The following ASB18 variants were observed in gnomAD, a reference collection of about 807,000 sequenced individuals.
ASB18 encodes the protein ankyrin repeat and SOCS box protein 18.
In ASB18, 33 loss-of-function variants were observed where a neutral mutation model predicts 33.4. That is an observed-to-expected ratio of 0.99 (90% CI 0.75 to 1.32). ASB18 has a LOEUF of 1.32. Ranked by LOEUF, ASB18 falls within the 40% of genes most tolerant of loss-of-function variation. The pLI, the probability that ASB18 is intolerant of heterozygous loss-of-function variation, is 0.00. For missense variants in ASB18, 694 were observed against 655.5 expected, an observed-to-expected ratio of 1.06 and a Z score of -0.64; for synonymous variants, 295 against 307.6, an observed-to-expected ratio of 0.96 and a Z score of 0.43.
At chr2:236,207,440 G>T (rs1459909520) in intron 4 of ASB18, among the ~76,000 whole-genome samples, 1 of 152,158 alleles carries the variant, frequency 6.6e-6, no homozygotes, top group Non-Finnish European at 1.5e-5. Context: ...TACTTTCTGA[G>T]ATTTTCTTGG....
At position 236,215,352 on chromosome 2, in the gene ASB18, G is replaced by A. The variant is rs2060483118; in HGVS notation, c.597-486C>T. Reference sequence around the variant, plus strand: ...TGAGGCAAGCCTTGCCTTGCACCACGAAGGGACTTTCCCCATCCCTCAGGA... The same window carrying A: ...TGAGGCAAGCCTTGCCTTGCACCACAAAGGGACTTTCCCCATCCCTCAGGA... On this transcript the variant is annotated intron_variant, in intron 3 of 5. Transcript: ENST00000409749. This position sits in a 1 kb window ranked among gnomAD's most constrained non-coding sequence, Gnocchi z 7.2. Among the ~76,000 whole-genome samples the A allele has an allele frequency of 6.6e-6, 1 of 152,116 alleles. No individual in the cohort carries two copies. The highest frequency in any genetic ancestry group is 6.5e-5 in the Admixed American group (1 of 15,284).
chr2:236,237,810 C>A lies in ASB18; in HGVS notation c.475G>T (p.Ala159Ser). 15 of 1,398,198 alleles carry A rather than the reference C, an allele frequency of 1.1e-5. No individual in the cohort carries two copies. The highest frequency in any genetic ancestry group is 1.4e-5 in the Non-Finnish European group (15 of 1,084,382). 86.6% of individuals were successfully genotyped at this position (1,398,198 alleles called of 1,614,324 possible). ...CAGGCGGTGTGGCCCCCGAGGCAGG[C>A]CTCGTGCAGGGCGCCGCGGCCGCCG... Reference protein sequence around the residue: ...SPGGRGALHEACLGGHTACVR... With the variant: ...SPGGRGALHESCLGGHTACVR... Residue 159 changes from alanine to serine, a missense_variant, in exon 3 of 6, where the codon GCC becomes TCC. Ala to Ser is a moderately conservative substitution (Grantham distance 99). Transcript: ENST00000409749. The surrounding 1 kb of genome is among the most constrained non-coding windows in gnomAD (Gnocchi z 6.2).
intron 1 of ASB18, chr2:236,247,979 C>T (rs994650780): frequency 3.9e-5 from 6 of 152,162 alleles, no homozygotes; most frequent in Admixed American, 1.3e-4. Flanking sequence ...ACTAGGAACA[C>T]GTCAGGGTGG....
intron 3 of ASB18, among the ~76,000 whole-genome samples, chr2:236,227,406 T>C (rs1021705013): frequency 1.3e-5 from 2 of 152,246 alleles, no homozygotes; most frequent in Admixed American, 6.5e-5. Flanking sequence ...CAGCACCTGC[T>C]CCTTACTATA....
In ASB18 at chr2:236,211,890, G is replaced by T. The variant is rs926696907; in HGVS notation, c.1101+2472C>A. ...GTGTAGGGGTACCCACTGGAGGTGT[G>T]GGGGAATCCCAGTGCAAAAAGGTGG... On this transcript the variant is annotated intron_variant, in intron 4 of 5. Transcript: ENST00000409749. The surrounding 1 kb of genome is among the most constrained non-coding windows in gnomAD (Gnocchi z 5.0). Among the ~76,000 whole-genome samples, 1 of 152,078 alleles carries T rather than the reference G, an allele frequency of 6.6e-6. No homozygotes were observed. Among genetic ancestry groups the T allele is most frequent in the Non-Finnish European group, 1.5e-5 (1 of 68,014 alleles).
Position 236,194,869 on chromosome 2 carries a change from G to T in ASB18, c.*3C>A, listed in dbSNP as rs76778176. ...AACAGTATTGGTTGCAGCGTTCTGC[G>T]TTTCAGTGCAAAACACCCTGTGGCT... On this transcript the variant is annotated 3_prime_UTR_variant, in exon 6 of 6. Transcript: ENST00000409749. This position sits in a 1 kb window ranked among gnomAD's most constrained non-coding sequence, Gnocchi z 4.5. The T allele has an allele frequency of 1.9e-6, 3 of 1,611,770 alleles. No individual in the cohort carries two copies. The Admixed American group carries it at 5.0e-5, about 27-fold the overall frequency.
At chr2:236,242,837 C>G (rs2060627255) in intron 1 of ASB18, among the ~76,000 whole-genome samples, 1 of 140,940 alleles carries the variant, frequency 7.1e-6, no homozygotes, top group African/African-American at 2.8e-5. Context: ...GGCAAGATAG[C>G]AAGGGTCCCC....
intron 1 of ASB18, among the ~76,000 whole-genome samples, chr2:236,261,567 T>C (rs2060718896): frequency 6.6e-6 from 1 of 152,214 alleles, no homozygotes; most frequent in African/African-American, 2.4e-5. Flanking sequence ...CATACCATCG[T>C]CCTGAATTGA....
At position 236,236,172 on chromosome 2, in the gene ASB18, G is replaced by A. The variant is rs576932752; in HGVS notation, c.596+1517C>T. On this transcript the variant is annotated intron_variant, in intron 3 of 5. Transcript: ENST00000409749. ...TGAATGGATGAACATAACATACTGTGGTTCATCCATACCACGGACCGCTAC... is the reference window on the plus strand; with the variant it reads ...TGAATGGATGAACATAACATACTGTAGTTCATCCATACCACGGACCGCTAC... Among the ~76,000 whole-genome samples the A allele has an allele frequency of 9.1e-4, 138 of 152,094 alleles. 1 individual carries two copies. The highest frequency in any genetic ancestry group is 1.7e-3 in the Non-Finnish European group (116 of 68,024).
In ASB18 at chr2:236,208,790, C is replaced by T. The variant is rs1472665244; in HGVS notation, c.1101+5572G>A. Among the ~76,000 whole-genome samples the T allele has an allele frequency of 6.6e-6, 1 of 152,190 alleles. No homozygotes were observed. Among genetic ancestry groups the T allele is most frequent in the African/African-American group, 2.4e-5 (1 of 41,442 alleles). ...CTGGCTGCCTTCATTATTTTTACGC[C>T]AACACAGTTTAAAAATCTCCGCGGC... is the stretch of plus-strand genomic sequence containing the variant. On this transcript the variant is annotated intron_variant, in intron 4 of 5. Coordinates refer to ENST00000409749, the MANE Select transcript of ASB18 (RefSeq NM_212556.4). The surrounding 1 kb of genome is among the most constrained non-coding windows in gnomAD (Gnocchi z 7.7).
At position 236,259,451 on chromosome 2, in the gene ASB18, C is replaced by A. The variant is rs2060708162; in HGVS notation, c.205+4690G>T. 2.2e-6 allele frequency: 1 copy of A among 458,840 alleles called. No individual in the cohort carries two copies. Among genetic ancestry groups the A allele is most frequent in the Non-Finnish European group, 4.6e-6 (1 of 218,068 alleles). 28.4% of individuals were successfully genotyped at this position (458,840 alleles called of 1,614,324 possible). A position where few individuals can be genotyped will look rare whatever the true frequency, so the allele number is the denominator to read the frequency against. On this transcript the variant is annotated intron_variant, in intron 1 of 5. Coordinates refer to ENST00000409749, the MANE Select transcript of ASB18 (RefSeq NM_212556.4). This position sits in a 1 kb window ranked among gnomAD's most constrained non-coding sequence, Gnocchi z 4.4. ...AGTTGGTATATAAAAAGCAGCCTAG[C>A]AAGGCCATGCACTTCCGTAATGGAT...
Position 236,237,293 on chromosome 2 carries a change from GCGCCTC to G in ASB18, c.596+390_596+395del, listed in dbSNP as rs1000119461. Among the ~76,000 whole-genome samples, 1 of 151,514 alleles carries G rather than the reference GCGCCTC, an allele frequency of 6.6e-6. No homozygotes were observed. The highest frequency in any genetic ancestry group is 1.5e-5 in the Non-Finnish European group (1 of 67,900). ...TCACCGCGCTCATTACCTCGGCGTG[GCGCCTC>G]CCGCGCGCGCTCGCAATCAAGCGCT... On this transcript the variant is annotated intron_variant, in intron 3 of 5. Coordinates refer to ENST00000409749, the MANE Select transcript of ASB18 (RefSeq NM_212556.4). This position sits in a 1 kb window ranked among gnomAD's most constrained non-coding sequence, Gnocchi z 6.2.
At position 236,217,332 on chromosome 2, in the gene ASB18, G is replaced by A. The variant is rs369876621; in HGVS notation, c.597-2466C>T. ...TGAGGCAGGAGAATCACTTAAACCC[G>A]GGAGGTGGAGGTTGCAGTGAGCCAA... On this transcript the variant is annotated intron_variant, in intron 3 of 5. Transcript: ENST00000409749. The surrounding 1 kb of genome is among the most constrained non-coding windows in gnomAD (Gnocchi z 5.2). Among the ~76,000 whole-genome samples, 2 of 151,866 alleles carry A rather than the reference G, an allele frequency of 1.3e-5. No individual in the cohort carries two copies. The highest frequency in any genetic ancestry group is 2.9e-5 in the Non-Finnish European group (2 of 67,974).
intron 1 of ASB18, among the ~76,000 whole-genome samples, chr2:236,258,797 A>G (rs183974763): frequency 6.6e-6 from 1 of 152,292 alleles, no homozygotes; most frequent in East Asian, 1.9e-4. Context: ...TCTTAATAAA[A>G]ACTCAATTAG....
At chr2:236,242,154 C>T (rs943987063) in intron 1 of ASB18, among the ~76,000 whole-genome samples, 16 of 152,264 alleles carry the variant, frequency 1.1e-4, no homozygotes, top group South Asian at 1.0e-3. Flanking sequence ...TGGCCACGGC[C>T]GCCTGGCTAG....
In ASB18 at chr2:236,237,076, C is replaced by G. The variant is rs971296542; in HGVS notation, c.596+613G>C. Among the ~76,000 whole-genome samples, 7 of 152,054 alleles carry G rather than the reference C, an allele frequency of 4.6e-5. No homozygotes were observed. The highest frequency in any genetic ancestry group is 1.7e-4 in the African/African-American group (7 of 41,426). ...CCCGGGCGCGAACTAGCTGAGCGGC[C>G]GCTGGGCCTCCCTAGAGGCCGGCAC... On this transcript the variant is annotated intron_variant, in intron 3 of 5. Transcript: ENST00000409749. This position sits in a 1 kb window ranked among gnomAD's most constrained non-coding sequence, Gnocchi z 6.2.
rs991487843 is a variant in ASB18 at position 236,239,022 on chromosome 2, G to A, written c.329-1066C>T. Among the ~76,000 whole-genome samples the A allele has an allele frequency of 1.3e-5, 2 of 152,158 alleles. No homozygotes were observed. Among genetic ancestry groups the A allele is most frequent in the Non-Finnish European group, 2.9e-5 (2 of 68,022 alleles). On this transcript the variant is annotated intron_variant, in intron 2 of 5. Transcript: ENST00000409749. The surrounding 1 kb of genome is among the most constrained non-coding windows in gnomAD (Gnocchi z 5.6). ...TGTTGTGCACTCAGTGGGGGAAGGG[G>A]GGCCTGTGGGACTGGCATGGAATGG...
chr2:236,214,224 G>T lies in ASB18; in HGVS notation c.1101+138C>A. Reference sequence around the variant, plus strand: ...TCTCCCACCCCAGACCGGCAGAGCAGATTCTGCATTTTCACAAGTCCCCAG... The same window carrying T: ...TCTCCCACCCCAGACCGGCAGAGCATATTCTGCATTTTCACAAGTCCCCAG... On this transcript the variant is annotated intron_variant, in intron 4 of 5. Coordinates refer to ENST00000409749, the MANE Select transcript of ASB18 (RefSeq NM_212556.4). The surrounding 1 kb of genome is among the most constrained non-coding windows in gnomAD (Gnocchi z 6.5). 1.1e-6 allele frequency: 1 copy of T among 908,182 alleles called. No homozygotes were observed. Among genetic ancestry groups the T allele is most frequent in the Non-Finnish European group, 1.6e-6 (1 of 627,602 alleles). 56.3% of individuals were successfully genotyped at this position (908,182 alleles called of 1,614,324 possible). A position where few individuals can be genotyped will look rare whatever the true frequency, so the allele number is the denominator to read the frequency against.
chr2:236,223,839 C>T lies in ASB18; in HGVS notation c.597-8973G>A, dbSNP rs1185327362. 6.6e-6 allele frequency among the ~76,000 whole-genome samples: 1 copy of T among 152,118 alleles called. No individual in the cohort carries two copies. Among genetic ancestry groups the T allele is most frequent in the East Asian group, 1.9e-4 (1 of 5,198 alleles). On this transcript the variant is annotated intron_variant, in intron 3 of 5. Coordinates refer to ENST00000409749, the MANE Select transcript of ASB18 (RefSeq NM_212556.4). The surrounding 1 kb of genome is among the most constrained non-coding windows in gnomAD (Gnocchi z 4.6). ...TGTTCACATTCATCCATACTGTTGC[C>T]TGCATGGAGTAATTCATTCTTTTTT...
Sources: allele counts gnomAD v4.1 joint callset (sites outside exome capture counted in the v4.1 genomes callset), GRCh38; gene constraint gnomAD v4.1.1; non-coding constraint Gnocchi (gnomAD v3.1); transcripts MANE v1.5; gene names NCBI Gene and HGNC (gene_info 2026-07-23, HGNC 2026-07-21).